Variants in PCDH11X observed in about 807,000 individuals in gnomAD.
The protein encoded by PCDH11X is protocadherin-11 X-linked.
PCDH11X carries 18 observed loss-of-function variants against 53.3 expected under a neutral mutation model. The ratio of observed to expected loss-of-function variants is 0.34; its 90% CI spans 0.23 to 0.50. The LOEUF is 0.50. Ranked by LOEUF, PCDH11X falls within the 20% of genes least tolerant of loss-of-function variation. The probability of loss-of-function intolerance (pLI) is 0.98; values close to 1 mark genes in which losing one functional copy is unlikely to be tolerated. For synonymous variants in PCDH11X, 279 were observed against 393.3 expected (o/e 0.71, Z 3.44); for missense variants, 570 against 1,032.4 (o/e 0.55, Z 6.14).
Position 92,125,821 on chromosome X carries a change from C to T in PCDH11X, c.3034-75554C>T, listed in dbSNP as rs1370505602. 2.7e-5 allele frequency among the ~76,000 whole-genome samples: 3 copies of T among 110,014 alleles called. 1 individual carries two copies. Among genetic ancestry groups the T allele is most frequent in the Non-Finnish European group, 5.7e-5 (3 of 52,800 alleles). ...CCCTCCCTCCACCCCCCTACATTTG[C>T]TAGTCTTTTAAAAGTAAACTTGAGG... On this transcript the variant is annotated intron_variant, in intron 6 of 10. Coordinates refer to ENST00000682573, the MANE Select transcript of PCDH11X (RefSeq NM_032968.5).
At chrX:92,559,553 G>A (rs2075102523) in intron 10 of PCDH11X, among the ~76,000 whole-genome samples, 1 of 111,236 alleles carries the variant, frequency 9.0e-6, no homozygotes, top group African/African-American at 3.3e-5. Context: ...CACTGAGGAG[G>A]GGAGAAGAGA....
intron 6 of PCDH11X, among the ~76,000 whole-genome samples, chrX:91,911,554 A>G (rs868655081): frequency 3.4e-4 from 37 of 107,929 alleles, no homozygotes; most frequent in African/African-American, 1.2e-3. Context: ...ACTACATCTT[A>G]TTCATTCTTT....
At chrX:92,185,618 A>T (rs1417107944) in intron 6 of PCDH11X, among the ~76,000 whole-genome samples, 1 of 111,672 alleles carries the variant, frequency 9.0e-6, no homozygotes, top group Non-Finnish European at 1.9e-5. Flanking sequence ...CGCCAACAAG[A>T]GATTAATATC....
At chrX:92,260,388 C>T (rs1379095326) in intron 7 of PCDH11X, among the ~76,000 whole-genome samples, 1 of 110,576 alleles carries the variant, frequency 9.0e-6, no homozygotes, top group Admixed American at 9.6e-5. Context: ...GCACTGAGTT[C>T]GGTGCCTCAC....
intron 6 of PCDH11X, among the ~76,000 whole-genome samples, chrX:92,093,117 C>T (rs1327578695): frequency 1.8e-5 from 2 of 111,275 alleles, no homozygotes; most frequent in Non-Finnish European, 1.9e-5. Flanking sequence ...GCTTCTTATA[C>T]AACCTGGAGA....
intron 6 of PCDH11X, among the ~76,000 whole-genome samples, chrX:92,005,185 A>G (rs2062578587): frequency 1.8e-5 from 2 of 110,840 alleles, no homozygotes; most frequent in Admixed American, 9.6e-5. Context: ...CAGTCTATTT[A>G]CATTTAATGT....
At chrX:92,492,862 CTCT>C in intron 10 of PCDH11X, among the ~76,000 whole-genome samples, 1 of 110,176 alleles carries the variant, frequency 9.1e-6, no homozygotes, top group Non-Finnish European at 1.9e-5. Context: ...TTATGATAAT[CTCT>C]TCTTTCATTT....
chrX:92,611,310 C>T (rs1265468758), intron 10 of PCDH11X, among the ~76,000 whole-genome samples: 1 of 109,450 alleles, frequency 9.1e-6, no homozygotes, highest in Admixed American at 9.8e-5. Flanking sequence ...TACAAACAAA[C>T]CTCTTGCTGC....
Position 92,615,028 on chromosome X carries a change from A to C in PCDH11X, c.3368-3236A>C, listed in dbSNP as rs549000118. ...CTGGGCATAAAATGTAGAGGGCTTG[A>C]CTGCACCATGATCCATGGCCAACAA... is the stretch of plus-strand genomic sequence containing the variant. On this transcript the variant is annotated intron_variant, in intron 10 of 10. Coordinates refer to ENST00000682573, the MANE Select transcript of PCDH11X (RefSeq NM_032968.5). 3.8e-4 allele frequency among the ~76,000 whole-genome samples: 42 copies of C among 111,619 alleles called. 1 individual carries two copies. In the South Asian group the frequency reaches 0.016, roughly 42 times the overall value.
rs184617227 is a variant in PCDH11X, at chrX:91,969,828, A to G, written c.3033+90555A>G. Among the ~76,000 whole-genome samples, 232 of 108,898 alleles carry G rather than the reference A, an allele frequency of 2.1e-3. 2 individuals are homozygous for G. In the Middle Eastern group the frequency reaches 0.038, roughly 18 times the overall value. 94.6% of individuals were successfully genotyped at this position (108,898 alleles called of 115,157 possible). ...AAAAAAAAGGAAAAAAGAAAAAAGCAAAAGCAAAGGGGATCATCGTGTTTG... is the reference window on the plus strand; with the variant it reads ...AAAAAAAAGGAAAAAAGAAAAAAGCGAAAGCAAAGGGGATCATCGTGTTTG... On this transcript the variant is annotated intron_variant, in intron 6 of 10. Coordinates refer to ENST00000682573, the MANE Select transcript of PCDH11X (RefSeq NM_032968.5).
chrX:92,187,633 G>C (rs1318977422), intron 6 of PCDH11X, among the ~76,000 whole-genome samples: 3 of 111,468 alleles, frequency 2.7e-5, no homozygotes, highest in Non-Finnish European at 5.6e-5. Flanking sequence ...TTCTCCTGTT[G>C]TTTATAATTC....
At chrX:91,821,537 T>G (rs1483429136) in intron 4 of PCDH11X, among the ~76,000 whole-genome samples, 3 of 110,391 alleles carry the variant, frequency 2.7e-5, no homozygotes, top group Non-Finnish European at 5.7e-5. Flanking sequence ...TCCTGAGACT[T>G]TGCTGAAGTT....
intron 6 of PCDH11X, among the ~76,000 whole-genome samples, chrX:91,974,634 C>A (rs2062021111): frequency 1.8e-5 from 2 of 109,479 alleles, no homozygotes; most frequent in Admixed American, 9.7e-5. Flanking sequence ...ATGGTGGTGG[C>A]AAGGGAGATA....
rs201018595 is a variant in PCDH11X at position 92,174,229 on chromosome X, G to GAA, written c.3034-27138_3034-27137dup. Among the ~76,000 whole-genome samples, 129 of 105,534 alleles carry GAA rather than the reference G, an allele frequency of 1.2e-3. 1 individual carries two copies. Among genetic ancestry groups the GAA allele is most frequent in the African/African-American group, 4.3e-3 (123 of 28,936 alleles). The allele number at this position is 105,534 out of a possible 115,157, so 91.6% of individuals were successfully genotyped here. A position where few individuals can be genotyped will look rare whatever the true frequency, so the allele number is the denominator to read the frequency against. On this transcript the variant is annotated intron_variant, in intron 6 of 10. Coordinates refer to ENST00000682573, the MANE Select transcript of PCDH11X (RefSeq NM_032968.5). ...ATGATTAAAAAAAATAATACAAAAA[G>GAA]AAAAAAAAACCTCATAAAACCTGGT...
At chrX:92,402,033 C>T (rs746321019) in intron 9 of PCDH11X, among the ~76,000 whole-genome samples, 6 of 110,680 alleles carry the variant, frequency 5.4e-5, no homozygotes, top group East Asian at 5.7e-4. Flanking sequence ...CAAATTAACA[C>T]GTGCACAAAT....
chrX:92,214,052 T>C (rs1018028654), intron 7 of PCDH11X, among the ~76,000 whole-genome samples: 3 of 111,814 alleles, frequency 2.7e-5, no homozygotes, highest in African/African-American at 3.3e-5. Flanking sequence ...AGTAGCCTTG[T>C]TGATAACACT....
At chrX:91,913,743 A>G (rs1941462153) in intron 6 of PCDH11X, among the ~76,000 whole-genome samples, 1 of 111,467 alleles carries the variant, frequency 9.0e-6, no homozygotes, top group African/African-American at 3.3e-5. Flanking sequence ...CTTTACTACT[A>G]TCACAGCTGG....
At chrX:91,958,587 C>T (rs919482369) in intron 6 of PCDH11X, among the ~76,000 whole-genome samples, 17 of 110,769 alleles carry the variant, frequency 1.5e-4, no homozygotes, top group African/African-American at 5.7e-4. Flanking sequence ...GGTGGGGCTT[C>T]CTTTGGCTCC....
chrX:92,005,541 A>G (rs983245034), intron 6 of PCDH11X, among the ~76,000 whole-genome samples: 4 of 111,789 alleles, frequency 3.6e-5, no homozygotes, highest in African/African-American at 1.3e-4. Flanking sequence ...TTCTATTTAT[A>G]TCTTATTGTA....
Sources: gnomAD v4.1 joint callset for allele counts (sites outside exome capture counted in the v4.1 genomes callset) on GRCh38, gnomAD v4.1.1 for gene constraint, MANE v1.5 for transcripts, NCBI Gene and HGNC (gene_info 2026-07-23, HGNC 2026-07-21) for gene names.